The following TBCA variants were observed in gnomAD, a reference collection of about 807,000 sequenced individuals.
TBCA encodes tubulin-specific chaperone A.
TBCA carries 6 observed loss-of-function variants against 15.8 expected under a neutral mutation model. The ratio of observed to expected loss-of-function variants is 0.38; its 90% confidence interval spans 0.21 to 0.75. The LOEUF is 0.75. Among genes scored for constraint, TBCA ranks in the 30% least tolerant of loss-of-function variants. The pLI is 0.46. For synonymous variants in TBCA, 32 were observed against 42.3 expected, an observed-to-expected ratio of 0.76 and a Z score of 0.94; for missense variants, 90 against 131.2, an observed-to-expected ratio of 0.69 and a Z score of 1.53.
intron 2 of TBCA, among the ~76,000 whole-genome samples, chr5:77,706,370 T>A (rs899275768): frequency 6.6e-6 from 1 of 152,168 alleles, no homozygotes; most frequent in Non-Finnish European, 1.5e-5. Context: ...TTTATTTAGT[T>A]GTTGTGGTGG....
intron 2 of TBCA, among the ~76,000 whole-genome samples, chr5:77,706,810 TAAAAAAA>T (rs370852221): frequency 2.8e-5 from 3 of 108,444 alleles, no homozygotes; most frequent in Non-Finnish European, 5.4e-5. Flanking sequence ...GACTCCATCT[TAAAAAAA>T]AAAAAAAAAA....
chr5:77,735,367 C>T (rs1050406538), intron 1 of TBCA, among the ~76,000 whole-genome samples: 1 of 152,158 alleles, frequency 6.6e-6, no homozygotes, highest in African/African-American at 2.4e-5. Context: ...GTTTATCTAC[C>T]GAGACATGCC....
At chr5:77,710,591 T>C (rs139464478) in intron 1 of TBCA, among the ~76,000 whole-genome samples, 1 of 152,316 alleles carries the variant, frequency 6.6e-6, no homozygotes, top group Admixed American at 6.5e-5. Flanking sequence ...GACATATACA[T>C]CTGAATTTCT....
chr5:77,724,825 T>C (rs1212146973), intron 1 of TBCA, among the ~76,000 whole-genome samples: 1 of 152,140 alleles, frequency 6.6e-6, no homozygotes, highest in African/African-American at 2.4e-5. Flanking sequence ...TACACTAGAG[T>C]GTACATTTCT....
chr5:77,738,323 C>T (rs1746955485), intron 1 of TBCA, among the ~76,000 whole-genome samples: 1 of 152,188 alleles, frequency 6.6e-6, no homozygotes, highest in African/African-American at 2.4e-5. Flanking sequence ...GATTAACTTG[C>T]CTATGTTCAA....
chr5:77,743,397 T>C (rs961141421), intron 1 of TBCA, among the ~76,000 whole-genome samples: 10 of 152,296 alleles, frequency 6.6e-5, no homozygotes, highest in African/African-American at 2.2e-4. Flanking sequence ...CAAATATCCA[T>C]GAGAACAGAA....
intron 1 of TBCA, chr5:77,715,168 C>A (rs1286636587): frequency 4.4e-6 from 3 of 685,718 alleles, no homozygotes; most frequent in African/African-American, 1.8e-5. Context: ...AAGTTATAGG[C>A]CAAGGGATCT....
intron 1 of TBCA, among the ~76,000 whole-genome samples, chr5:77,768,351 C>T (rs962281546): frequency 2.0e-5 from 3 of 152,094 alleles, no homozygotes; most frequent in Admixed American, 6.6e-5. Flanking sequence ...CCCCATGTTC[C>T]GGCTAAGAAA....
At chr5:77,714,021 C>T in intron 1 of TBCA, among the ~76,000 whole-genome samples, 1 of 151,040 alleles carries the variant, frequency 6.6e-6, no homozygotes, top group South Asian at 2.1e-4. Context: ...AAAAAAAAAC[C>T]CCATCTATGT....
chr5:77,732,504 T>C (rs927645048), intron 1 of TBCA, among the ~76,000 whole-genome samples: 2 of 137,348 alleles, frequency 1.5e-5, no homozygotes, highest in Non-Finnish European at 3.0e-5. Flanking sequence ...TGAGCAGAGA[T>C]CGTGCCACTG....
At chr5:77,754,941 T>A (rs1747438947) in intron 1 of TBCA, among the ~76,000 whole-genome samples, 1 of 152,236 alleles carries the variant, frequency 6.6e-6, no homozygotes, top group African/African-American at 2.4e-5. Flanking sequence ...ATTTAATTTA[T>A]GAGTACTCTT....
chr5:77,720,409 T>C (rs1746505341), intron 1 of TBCA, among the ~76,000 whole-genome samples: 1 of 152,056 alleles, frequency 6.6e-6, no homozygotes. Context: ...ATGCAGTTAT[T>C]ACACTTCTAA....
At chr5:77,766,037 G>A (rs1747768658) in intron 1 of TBCA, among the ~76,000 whole-genome samples, 1 of 151,960 alleles carries the variant, frequency 6.6e-6, no homozygotes, top group South Asian at 2.1e-4. Flanking sequence ...TAAGCACTGG[G>A]ACCAAACCTT....
chr5:77,747,831 A>G (rs1747225609), intron 1 of TBCA, among the ~76,000 whole-genome samples: 1 of 152,128 alleles, frequency 6.6e-6, no homozygotes, highest in African/African-American at 2.4e-5. Flanking sequence ...TTAGATTTGT[A>G]TTGAAAAATG....
intron 1 of TBCA, among the ~76,000 whole-genome samples, chr5:77,743,892 G>A (rs557730874): frequency 6.6e-6 from 1 of 152,228 alleles, no homozygotes; most frequent in South Asian, 2.1e-4. Context: ...GACAGATGTG[G>A]TCTCTGCCCT....
chr5:77,693,210 T>G, intron 3 of TBCA, 56 bp downstream of exon 3: 1 of 1,593,690 alleles, frequency 6.3e-7, no homozygotes, highest in South Asian at 1.1e-5. Context: ...CTTTTGGCTT[T>G]CCATGTATTG....
At chr5:77,744,792 T>C (rs1056167588) in intron 1 of TBCA, among the ~76,000 whole-genome samples, 1 of 152,118 alleles carries the variant, frequency 6.6e-6, no homozygotes, top group Admixed American at 6.5e-5. Flanking sequence ...CGCTTCGGCC[T>C]CCAAAAGTGC....
chr5:77,691,765 T>A, intron 3 of TBCA: 2 of 1,080,930 alleles, frequency 1.9e-6, no homozygotes. Flanking sequence ...GCTACCAGCA[T>A]TAATTAAATA....
intron 1 of TBCA, among the ~76,000 whole-genome samples, chr5:77,741,427 G>C (rs1010799111): frequency 3.3e-5 from 5 of 152,120 alleles, no homozygotes; most frequent in African/African-American, 1.2e-4. Flanking sequence ...ATTCCAAGAG[G>C]AGGTAATAAG....
Sources: allele counts gnomAD v4.1 joint callset (sites outside exome capture counted in the v4.1 genomes callset), GRCh38; gene constraint gnomAD v4.1.1; transcripts MANE v1.5; gene names NCBI Gene and HGNC (gene_info 2026-07-23, HGNC 2026-07-21).